PEX1: variants seen among roughly 807,000 people sequenced by gnomAD.
PEX1 encodes peroxisomal biogenesis factor 1.
Under a neutral mutation model 152.5 loss-of-function variants are expected in PEX1, and 97 were observed. The ratio of observed to expected loss-of-function variants is 0.64; its 90% confidence interval spans 0.54 to 0.75. The LOEUF is 0.75. Ranked by LOEUF, PEX1 falls within the 30% of genes least tolerant of loss-of-function variation. The probability of loss-of-function intolerance (pLI) is 0.00; values close to 1 mark genes in which losing one functional copy is unlikely to be tolerated. For synonymous variants in PEX1, 485 were observed against 531.6 expected (o/e 0.91, Z 1.21); for missense variants, 1,357 against 1,516.3 (o/e 0.89, Z 1.74).
chr7:92,501,814 T>C, intron 14 of PEX1, 76 bp downstream of exon 14: 13 of 1,437,566 alleles, frequency 9.0e-6, no homozygotes, highest in Non-Finnish European at 1.3e-5. Flanking sequence ...ATATATTTAA[T>C]TCTTGTCTTA....
rs1554369234 is a variant in PEX1, at chr7:92,496,779, T to C, written c.2719-2A>G. 5 of 1,594,326 alleles carry C rather than the reference T, an allele frequency of 3.1e-6. No homozygotes were observed. The highest frequency in any genetic ancestry group is 4.3e-6 in the Non-Finnish European group (5 of 1,162,590). On this transcript the variant is annotated splice_acceptor_variant, in intron 16 of 23. Coordinates refer to ENST00000248633, the MANE Select transcript of PEX1 (RefSeq NM_000466.3). LOFTEE classifies it high-confidence loss of function. ...GTATTTGCTGAGTAACTCTGGCCCC[T>C]ATTGGGTAAAATAAGAGTTGAGATA...
intron 2 of PEX1, among the ~76,000 whole-genome samples, 195 bp downstream of exon 2, chr7:92,521,907 G>A (rs1316817446): frequency 6.6e-6 from 1 of 152,072 alleles, no homozygotes; most frequent in Non-Finnish European, 1.5e-5. Context: ...AAGCAAGTAG[G>A]GAGTATGGTA....
Position 92,487,473 on chromosome 7 carries a change from T to C in PEX1, c.3836A>G (p.Lys1279Arg), listed in dbSNP as rs373346069. 1 of 1,584,148 alleles carries C rather than the reference T, an allele frequency of 6.3e-7. No individual in the cohort carries two copies. The highest frequency in any genetic ancestry group is 8.6e-7 in the Non-Finnish European group (1 of 1,156,078). The change falls in exon 24 of 24, where the codon AAA (lysine) becomes AGA (arginine). Residue 1279 changes from lysine to arginine, a missense_variant. By Grantham distance (26) the Lys-to-Arg change is conservative. Coordinates refer to ENST00000248633, the MANE Select transcript of PEX1 (RefSeq NM_000466.3). ...AAGTATATTTTATGCTAAAGTTACT[T>C]TCTGTCCAGGTCGAAACATTGTTCC... ...QSGTMFRPGQ[K>R]VTLA
At chr7:92,507,169 G>T in intron 9 of PEX1, 43 bp from the exon 10 acceptor site, 2 of 1,580,494 alleles carry the variant, frequency 1.3e-6, no homozygotes, top group Non-Finnish European at 1.7e-6. Context: ...GACTGAAGCA[G>T]GATAAAATTT....
chr7:92,517,436 T>C lies in PEX1; in HGVS notation c.1079A>G (p.Gln360Arg). 6.2e-7 allele frequency: 1 copy of C among 1,614,026 alleles called. No individual in the cohort carries two copies. The highest frequency in any genetic ancestry group is 1.1e-5 in the South Asian group (1 of 91,082). The change falls in exon 5 of 24, where the codon CAG becomes CGG. Residue 360 changes from glutamine to arginine, a missense_variant. Physicochemically the swap from Gln to Arg is conservative, Grantham distance 43. Coordinates refer to ENST00000248633, the MANE Select transcript of PEX1 (RefSeq NM_000466.3). ...TTTTTGATCTAGTGGCTCTGACATC[T>C]GCTTCTCTTTTTCAGGTGATAACAC... Reference protein sequence around the residue: ...QNVLSPEKEKQMSEPLDQKKI... With the variant: ...QNVLSPEKEKRMSEPLDQKKI...
chr7:92,508,288 C>T (rs1013642346), intron 9 of PEX1, among the ~76,000 whole-genome samples: 1 of 152,108 alleles, frequency 6.6e-6, no homozygotes, highest in African/African-American at 2.4e-5. Flanking sequence ...CAGTGGTTCA[C>T]GCCTGTAATC....
At chr7:92,510,009 T>G (rs1252211161) in intron 8 of PEX1, among the ~76,000 whole-genome samples, 1 of 152,038 alleles carries the variant, frequency 6.6e-6, no homozygotes, top group Non-Finnish European at 1.5e-5. Context: ...CAGGGCATGG[T>G]GGCATGCGCC....
chr7:92,506,891 A>G lies in PEX1; in HGVS notation c.1803+103T>C, dbSNP rs529658778. 21 of 1,117,892 alleles carry G rather than the reference A, an allele frequency of 1.9e-5. No individual in the cohort carries two copies. The African/African-American group carries it at 2.9e-4, about 16-fold the overall frequency. The allele number at this position is 1,117,892 out of a possible 1,614,324, so 69.2% of individuals were successfully genotyped here. A position where few individuals can be genotyped will look rare whatever the true frequency, so the allele number is the denominator to read the frequency against. On this transcript the variant is annotated intron_variant, in intron 10 of 23. Transcript: ENST00000248633. ...ATGTCGTATAAACCCTATATAATAGATGGTCAAAACCCACCCTATATAATA... is the reference window on the plus strand; with the variant it reads ...ATGTCGTATAAACCCTATATAATAGGTGGTCAAAACCCACCCTATATAATA...
intron 6 of PEX1, among the ~76,000 whole-genome samples, 192 bp from the exon 7 acceptor site, chr7:92,511,895 A>C (rs1027757841): frequency 6.6e-6 from 1 of 152,256 alleles, no homozygotes; most frequent in Non-Finnish European, 1.5e-5. Context: ...GTGTAGCCTG[A>C]AGAAACATCT....
chr7:92,506,148 C>T, intron 11 of PEX1, 100 bp downstream of exon 11: 1 of 720,554 alleles, frequency 1.4e-6, no homozygotes, highest in Non-Finnish European at 2.5e-6. Context: ...AAGTTAAAGA[C>T]TAGATGATAT....
At chr7:92,502,818 C>A (rs1791995586) in intron 13 of PEX1, among the ~76,000 whole-genome samples, 1 of 152,112 alleles carries the variant, frequency 6.6e-6, no homozygotes, top group African/African-American at 2.4e-5. Flanking sequence ...CAAAGAAATA[C>A]CATTTTCAAA....
chr7:92,518,858 C>A, intron 3 of PEX1, 137 bp downstream of exon 3: 1 of 721,514 alleles, frequency 1.4e-6, no homozygotes, highest in Non-Finnish European at 2.4e-6. Context: ...GCATGAGCTA[C>A]TGTGCCTGGC....
chr7:92,522,484 C>T (rs1162374455), intron 1 of PEX1, among the ~76,000 whole-genome samples: 1 of 152,096 alleles, frequency 6.6e-6, no homozygotes, highest in Non-Finnish European at 1.5e-5. Context: ...TTTAATCAAC[C>T]CCTTCAGAAT....
Position 92,506,994 on chromosome 7 carries a change from C to T in PEX1, c.1803G>A (p.Lys601=), listed in dbSNP as rs1251271768. The change falls in exon 10 of 24, where the codon AAG becomes AAA. Residue 601 remains lysine (K), a splice_region_variant and synonymous_variant. Transcript: ENST00000248633. ...RNGALLLTGG[K]GSGKSTLAKA... Reference sequence around the variant, plus strand: ...AAATGAACACACCTTAACCACTTACCTTTCCTCCTGTGAGTAAAAGAGCTC... The same window carrying T: ...AAATGAACACACCTTAACCACTTACTTTTCCTCCTGTGAGTAAAAGAGCTC... 1 of 1,613,928 alleles carries T rather than the reference C, an allele frequency of 6.2e-7. No homozygotes were observed. The highest frequency in any genetic ancestry group is 1.3e-5 in the African/African-American group (1 of 74,910).
intron 1 of PEX1, among the ~76,000 whole-genome samples, chr7:92,522,941 G>A (rs1313439308): frequency 2.0e-5 from 3 of 152,066 alleles, no homozygotes; most frequent in African/African-American, 4.8e-5. Context: ...TTCCAGAAAC[G>A]TTATATTATG....
chr7:92,498,068 GAAAAAAAAA>G (rs781116048), intron 16 of PEX1, among the ~76,000 whole-genome samples: 12 of 50,998 alleles, frequency 2.4e-4, no homozygotes, highest in Middle Eastern at 0.01. Flanking sequence ...CAGTCTCAGA[GAAAAAAAAA>G]AAAAAAAAAA....
At chr7:92,518,873 A>G (rs539248796) in intron 3 of PEX1, 122 bp downstream of exon 3, 327 of 789,876 alleles carry the variant, frequency 4.1e-4, no homozygotes, top group Non-Finnish European at 6.8e-4. Context: ...CCTGGCCCCA[A>G]TTCATTCTTA....
At position 92,497,925 on chromosome 7, in the gene PEX1, G is replaced by A. The variant is rs1395186552; in HGVS notation, c.2719-1148C>T. 4.0e-5 allele frequency among the ~76,000 whole-genome samples: 6 copies of A among 150,950 alleles called. No homozygotes were observed. The South Asian group carries it at 6.3e-4, about 16-fold the overall frequency. On this transcript the variant is annotated intron_variant, in intron 16 of 23. Transcript: ENST00000248633. ...TCTACTAAAAATACAAAAATTCACCGGGTGCGGTGGCAGGCGCCTGTAATC... is the reference window on the plus strand; with the variant it reads ...TCTACTAAAAATACAAAAATTCACCAGGTGCGGTGGCAGGCGCCTGTAATC...
At chr7:92,519,675 G>C (rs550881279) in intron 2 of PEX1, among the ~76,000 whole-genome samples, 1 of 152,216 alleles carries the variant, frequency 6.6e-6, no homozygotes, top group Non-Finnish European at 1.5e-5. Context: ...TTCAAGAAAA[G>C]TGAAAAATAC....
Sources: gnomAD v4.1 joint callset for allele counts (sites outside exome capture counted in the v4.1 genomes callset) on GRCh38, gnomAD v4.1.1 for gene constraint, MANE v1.5 for transcripts, NCBI Gene and HGNC (gene_info 2026-07-23, HGNC 2026-07-21) for gene names.